The following PCP4 variants were observed in gnomAD, a reference collection of about 807,000 sequenced individuals.
PCP4 encodes the protein calmodulin regulator protein PCP4.
In PCP4, 8 loss-of-function variants were observed where a neutral mutation model predicts 10.0. The observed-to-expected ratio is 0.80, with a 90% CI of 0.47 to 1.45. The LOEUF is 1.45. Ranked by LOEUF, PCP4 falls within the 40% of genes most tolerant of loss-of-function variation. The pLI is 0.00. For synonymous variants in PCP4, 21 were observed against 23.0 expected (o/e 0.91, Z 0.24); for missense variants, 54 against 74.4 (o/e 0.73, Z 1.01).
chr21:39,905,853 C>A (rs1042824874), intron 2 of PCP4, among the ~76,000 whole-genome samples: 4 of 152,066 alleles, frequency 2.6e-5, no homozygotes, highest in Non-Finnish European at 5.9e-5. Context: ...TCGAGACCAT[C>A]CTGGCTAACA....
intron 2 of PCP4, among the ~76,000 whole-genome samples, chr21:39,919,785 TTGTG>T (rs1399551286): frequency 6.7e-6 from 1 of 148,210 alleles, no homozygotes; most frequent in Non-Finnish European, 1.5e-5. Context: ...TGGTATGTGT[TTGTG>T]TGTGTAATGT....
At chr21:39,913,656 T>G (rs990647444) in intron 2 of PCP4, among the ~76,000 whole-genome samples, 5 of 152,200 alleles carry the variant, frequency 3.3e-5, no homozygotes, top group African/African-American at 9.7e-5. Flanking sequence ...AGGTTGGTGG[T>G]AGCCTCAGGC....
At chr21:39,905,911 G>A (rs1417937760) in intron 2 of PCP4, among the ~76,000 whole-genome samples, 1 of 152,158 alleles carries the variant, frequency 6.6e-6, no homozygotes, top group Non-Finnish European at 1.5e-5. Context: ...AGCCGGGGGT[G>A]TGGTGGTGGC....
At chr21:39,915,299 A>G (rs1039528057) in intron 2 of PCP4, among the ~76,000 whole-genome samples, 1 of 152,204 alleles carries the variant, frequency 6.6e-6, no homozygotes, top group African/African-American at 2.4e-5. Flanking sequence ...CATTTCAGAA[A>G]CTGAATGGAT....
At chr21:39,897,446 G>T (rs1391535908) in intron 1 of PCP4, among the ~76,000 whole-genome samples, 3 of 149,020 alleles carry the variant, frequency 2.0e-5, no homozygotes, top group African/African-American at 7.4e-5. Context: ...TCAACTCAAA[G>T]CATACTTTTT....
rs1166935263 is a variant in PCP4 at position 39,929,164 on chromosome 21, G to A, written c.*53G>A. 5.1e-6 allele frequency: 8 copies of A among 1,562,352 alleles called. No homozygotes were observed. Among genetic ancestry groups the A allele is most frequent in the Admixed American group, 3.8e-5 (2 of 53,044 alleles). ...AAAACACCAAATTCAACCATCATCT[G>A]TCAAGAAATTAAAAGAACAACACCC... is the stretch of plus-strand genomic sequence containing the variant. On this transcript the variant is annotated 3_prime_UTR_variant, in exon 3 of 3. Transcript: ENST00000328619.
chr21:39,919,262 G>A (rs1191374886), intron 2 of PCP4, among the ~76,000 whole-genome samples: 3 of 152,208 alleles, frequency 2.0e-5, no homozygotes, highest in East Asian at 3.9e-4. Context: ...ACAGAACTCC[G>A]CATCAATTAG....
At chr21:39,887,323 C>CT (rs1055162395) in intron 1 of PCP4, among the ~76,000 whole-genome samples, 1 of 140,702 alleles carries the variant, frequency 7.1e-6, no homozygotes, top group African/African-American at 2.6e-5. Flanking sequence ...AATCCCATCA[C>CT]TTTTTTTTAA....
At chr21:39,867,614 C>G (rs559228019) in intron 1 of PCP4, 104 bp downstream of exon 1, 2 of 1,025,198 alleles carry the variant, frequency 2.0e-6, no homozygotes, top group Non-Finnish European at 3.1e-6. Flanking sequence ...TGCTGAGGAA[C>G]AAATTAATCC....
At chr21:39,892,010 C>A (rs952436850) in intron 1 of PCP4, among the ~76,000 whole-genome samples, 3 of 152,190 alleles carry the variant, frequency 2.0e-5, no homozygotes, top group Non-Finnish European at 4.4e-5. Context: ...TAATATCCAG[C>A]CTTCCACAAG....
At chr21:39,889,965 G>A (rs767830669) in intron 1 of PCP4, among the ~76,000 whole-genome samples, 9 of 152,136 alleles carry the variant, frequency 5.9e-5, no homozygotes, top group Non-Finnish European at 1.2e-4. Flanking sequence ...GATCTGTCTC[G>A]TGTTCTGGGT....
At chr21:39,926,734 T>G (rs1413996620) in intron 2 of PCP4, among the ~76,000 whole-genome samples, 1 of 152,252 alleles carries the variant, frequency 6.6e-6, no homozygotes, top group Non-Finnish European at 1.5e-5. Context: ...CAGGCTCATG[T>G]GATAACATTA....
chr21:39,923,614 C>T (rs912850528), intron 2 of PCP4, among the ~76,000 whole-genome samples: 1 of 152,130 alleles, frequency 6.6e-6, no homozygotes, highest in Non-Finnish European at 1.5e-5. Flanking sequence ...TGGGCGTGGC[C>T]AAAGTGATTT....
At chr21:39,910,043 G>A (rs116760242) in intron 2 of PCP4, among the ~76,000 whole-genome samples, 2,707 of 152,110 alleles carry the variant, frequency 0.018, 59 homozygotes, top group African/African-American at 0.06. Context: ...CGATCTGCCC[G>A]CCTCGGCCTC....
chr21:39,892,233 C>T (rs544783248), intron 1 of PCP4, among the ~76,000 whole-genome samples: 10 of 152,172 alleles, frequency 6.6e-5, no homozygotes, highest in Admixed American at 1.3e-4. Context: ...CCATGTCCGC[C>T]GGTTATTCCT....
chr21:39,887,231 G>A (rs914043315), intron 1 of PCP4, among the ~76,000 whole-genome samples: 1 of 152,146 alleles, frequency 6.6e-6, no homozygotes, highest in Non-Finnish European at 1.5e-5. Context: ...ATTTGAGGCA[G>A]AATTTCAGCC....
chr21:39,901,385 C>T (rs62236561), intron 2 of PCP4, among the ~76,000 whole-genome samples: 3,653 of 152,322 alleles, frequency 0.024, 64 homozygotes, highest in Non-Finnish European at 0.041. Context: ...AGACCAGGCA[C>T]ATGGTGACGA....
chr21:39,918,976 C>G (rs2299785), intron 2 of PCP4, among the ~76,000 whole-genome samples: 2 of 152,144 alleles, frequency 1.3e-5, no homozygotes, highest in African/African-American at 4.8e-5. Flanking sequence ...TTAGGTACTA[C>G]GGGTATAAAT....
At chr21:39,884,132 C>G (rs2299750) in intron 1 of PCP4, among the ~76,000 whole-genome samples, 22,748 of 151,490 alleles carry the variant, frequency 0.15, 1,967 homozygotes, top group Middle Eastern at 0.22. Flanking sequence ...GTGGTAAAAT[C>G]TACCCCTTTT....
Sources: allele counts gnomAD v4.1 joint callset (sites outside exome capture counted in the v4.1 genomes callset), GRCh38; gene constraint gnomAD v4.1.1; transcripts MANE v1.5; gene names NCBI Gene and HGNC (gene_info 2026-07-23, HGNC 2026-07-21).